The following BMP2K variants were observed in gnomAD, a reference collection of about 807,000 sequenced individuals.
The protein encoded by BMP2K is BMP2 inducible kinase.
In BMP2K, 74 loss-of-function variants were observed where a neutral mutation model predicts 116.0. The observed-to-expected ratio is 0.64, with a 90% CI of 0.53 to 0.77. BMP2K has a LOEUF of 0.77. Among genes scored for constraint, BMP2K ranks in the 30% least tolerant of loss-of-function variants. The probability of loss-of-function intolerance (pLI) is 0.00; values close to 1 mark genes in which losing one functional copy is unlikely to be tolerated. For synonymous variants in BMP2K, 486 were observed against 502.5 expected (o/e 0.97, Z 0.44); for missense variants, 1,365 against 1,403.6 (o/e 0.97, Z 0.44).
intron 1 of BMP2K, among the ~76,000 whole-genome samples, chr4:78,816,074 G>GT (rs1729334045): frequency 6.6e-6 from 1 of 152,112 alleles, no homozygotes; most frequent in Non-Finnish European, 1.5e-5. Context: ...CTCTTTTCTA[G>GT]TTATCTTGTA....
chr4:78,867,471 G>T (rs938596841), intron 10 of BMP2K, among the ~76,000 whole-genome samples: 1 of 152,224 alleles, frequency 6.6e-6, no homozygotes, highest in South Asian at 2.1e-4. Context: ...GTCAGGGGCC[G>T]TGTTTCTCTT....
rs201764165 is a variant in BMP2K at position 78,865,683 on chromosome 4, C to T, written c.1194C>T (p.Val398=). The change falls in exon 10 of 16, where the codon GTC becomes GTT. Residue 398 remains valine, a synonymous_variant. Transcript: ENST00000502613. ...AAAGTTCAGCAACACCTGTTAAAGT[C>T]CTTGCTCCTGGTGAATTCGGTAACC... is the stretch of plus-strand genomic sequence containing the variant. ...TIQSSATPVK[V]LAPGEFGNHR... is the part of the protein sequence containing the mutation. The T allele has an allele frequency of 3.7e-5, 59 of 1,613,988 alleles. 1 individual carries two copies. Among genetic ancestry groups the T allele is most frequent in the Non-Finnish European group, 9.3e-6 (11 of 1,179,992 alleles).
chr4:78,847,551 C>G (rs1320282587), intron 6 of BMP2K, among the ~76,000 whole-genome samples: 1 of 151,516 alleles, frequency 6.6e-6, no homozygotes, highest in Non-Finnish European at 1.5e-5. Context: ...TGAGTGTTAA[C>G]ATTTTTTTTG....
chr4:78,842,569 A>G, intron 4 of BMP2K, 42 bp downstream of exon 4: 7 of 1,489,304 alleles, frequency 4.7e-6, no homozygotes, highest in Admixed American at 1.9e-5. Flanking sequence ...AATAAGTTGG[A>G]GTTAAAATGT....
At chr4:78,849,045 T>C (rs532477607) in intron 6 of BMP2K, among the ~76,000 whole-genome samples, 95 of 151,606 alleles carry the variant, frequency 6.3e-4, no homozygotes, top group African/African-American at 2.2e-3. Context: ...AGTTATGATA[T>C]TGAGGCATGA....
Position 78,911,269 on chromosome 4 carries a change from A to C in BMP2K, c.2722A>C (p.Asn908His). 6.2e-7 allele frequency: 1 copy of C among 1,614,004 alleles called. No homozygotes were observed. Among genetic ancestry groups the C allele is most frequent in the Non-Finnish European group, 8.5e-7 (1 of 1,179,882 alleles). ...AAAGGCGCCTTTTAGCAAGAAGGTG[A>C]ATGTACAAGAATGCCATGCAGTGGG... ...FTKAPFSKKV[N>H]VQECHAVGPE... The change falls in exon 16 of 16, where the codon AAT becomes CAT. Residue 908 changes from asparagine (N) to histidine (H), a missense_variant. Coordinates refer to ENST00000502613, the MANE Select transcript of BMP2K (RefSeq NM_198892.2).
In BMP2K at chr4:78,910,906, C is replaced by G. The variant is rs749102740; in HGVS notation, c.2359C>G (p.Leu787Val). The stretch of plus-strand genomic sequence containing the variant: ...ACCAGAAAATCTGGGTCATAGGCCT[C>G]TCCTCATGGATTCTGAAGATGAGGA... ...TEPENLGHRP[L>V]LMDSEDEEEE... Residue 787 changes from leucine (L) to valine (V), a missense_variant, in exon 16 of 16, where the codon CTC (leucine) becomes GTC (valine). By Grantham distance (32) the Leu-to-Val change is conservative. Coordinates refer to ENST00000502613, the MANE Select transcript of BMP2K (RefSeq NM_198892.2). The G allele has an allele frequency of 6.2e-7, 1 of 1,613,892 alleles. No individual in the cohort carries two copies. The highest frequency in any genetic ancestry group is 1.1e-5 in the South Asian group (1 of 91,056).
intron 8 of BMP2K, 109 bp from the exon 9 acceptor site, chr4:78,861,280 A>G (rs1265182321): frequency 5.4e-6 from 4 of 739,394 alleles, no homozygotes; most frequent in Non-Finnish European, 4.3e-6. Flanking sequence ...TGAAAGTAAT[A>G]GTGTCTCATA....
chr4:78,785,587 A>G (rs1476736917), intron 1 of BMP2K, among the ~76,000 whole-genome samples: 1 of 152,156 alleles, frequency 6.6e-6, no homozygotes, highest in African/African-American at 2.4e-5. Flanking sequence ...TGTGTTCTCT[A>G]AGAGACTCAT....
intron 2 of BMP2K, among the ~76,000 whole-genome samples, chr4:78,830,835 G>A (rs1730172591): frequency 2.6e-5 from 4 of 152,224 alleles, no homozygotes; most frequent in Non-Finnish European, 4.4e-5. Flanking sequence ...TTTAGGGAAT[G>A]TAGTGGTTGG....
intron 13 of BMP2K, among the ~76,000 whole-genome samples, chr4:78,874,393 A>G (rs1483428874): frequency 1.3e-5 from 2 of 152,232 alleles, no homozygotes; most frequent in African/African-American, 4.8e-5. Context: ...GTAAATAGTA[A>G]TCTAATAAAT....
chr4:78,793,240 T>C (rs545012046), intron 1 of BMP2K, among the ~76,000 whole-genome samples: 1 of 151,858 alleles, frequency 6.6e-6, no homozygotes, highest in East Asian at 1.9e-4. Flanking sequence ...TGAAACCTTG[T>C]CTCTACTAAA....
chr4:78,777,505 AAAG>A (rs1560494844), intron 1 of BMP2K, among the ~76,000 whole-genome samples: 3 of 152,258 alleles, frequency 2.0e-5, no homozygotes, highest in Non-Finnish European at 2.9e-5. Flanking sequence ...CTCCATTTTA[AAAG>A]AAGAACTTAG....
At chr4:78,845,463 T>C (rs1442173106) in intron 5 of BMP2K, among the ~76,000 whole-genome samples, 10 of 151,812 alleles carry the variant, frequency 6.6e-5, no homozygotes, top group African/African-American at 1.9e-4. Flanking sequence ...TTTTTATGCA[T>C]TGAAAACTGT....
chr4:78,841,500 A>G (rs1345775263), intron 3 of BMP2K, among the ~76,000 whole-genome samples: 4 of 152,118 alleles, frequency 2.6e-5, no homozygotes, highest in Non-Finnish European at 4.4e-5. Flanking sequence ...ATTTTGGTCC[A>G]TTATCTGTTA....
At chr4:78,806,169 C>T (rs536786029) in intron 1 of BMP2K, among the ~76,000 whole-genome samples, 28 of 151,506 alleles carry the variant, frequency 1.8e-4, no homozygotes, top group East Asian at 9.7e-4. Context: ...TATAGGTTTT[C>T]CTATGTATAT....
Position 78,776,376 on chromosome 4 carries a change from G to A in BMP2K, c.-168G>A. ...GCTGCAGCGGAGCCGCGGAGCGGGCGGCGGGGCCCAGGCTGTGCGCTTGGG... is the reference window on the plus strand; with the variant it reads ...GCTGCAGCGGAGCCGCGGAGCGGGCAGCGGGGCCCAGGCTGTGCGCTTGGG... On this transcript the variant is annotated 5_prime_UTR_variant, in exon 1 of 16. Coordinates refer to ENST00000502613, the MANE Select transcript of BMP2K (RefSeq NM_198892.2). The A allele has an allele frequency of 1.7e-6, 1 of 602,288 alleles. No homozygotes were observed. Among genetic ancestry groups the A allele is most frequent in the Non-Finnish European group, 2.2e-6 (1 of 461,910 alleles). 37.3% of individuals were successfully genotyped at this position (602,288 alleles called of 1,614,324 possible).
chr4:78,870,335 G>A (rs769225707), intron 10 of BMP2K, among the ~76,000 whole-genome samples: 10 of 152,030 alleles, frequency 6.6e-5, no homozygotes, highest in Non-Finnish European at 1.5e-4. Context: ...AGACTGAAAT[G>A]TAATAAACTG....
At chr4:78,848,930 C>G (rs779643405) in intron 6 of BMP2K, among the ~76,000 whole-genome samples, 5 of 151,200 alleles carry the variant, frequency 3.3e-5, no homozygotes, top group Non-Finnish European at 7.4e-5. Context: ...AAGTTTGCTA[C>G]AATACTTTAG....
Sources: gnomAD v4.1 joint callset for allele counts (sites outside exome capture counted in the v4.1 genomes callset) on GRCh38, gnomAD v4.1.1 for gene constraint, MANE v1.5 for transcripts, NCBI Gene and HGNC (gene_info 2026-07-23, HGNC 2026-07-21) for gene names.